Variants in SYNE2 observed in about 807,000 individuals in gnomAD.
SYNE2 encodes spectrin repeat containing nuclear envelope protein 2.
In SYNE2, 431 loss-of-function variants were observed where a neutral mutation model predicts 856.3. The observed-to-expected ratio is 0.50, with a 90% CI of 0.47 to 0.55. The LOEUF is 0.55. Among genes scored for constraint, SYNE2 ranks in the 20% least tolerant of loss-of-function variants. The pLI is 0.00. For synonymous variants in SYNE2, 2,923 were observed against 2,872.3 expected, an observed-to-expected ratio of 1.02 and a Z score of -0.56; for missense variants, 8,129 against 8,023.2, an observed-to-expected ratio of 1.01 and a Z score of -0.50.
intron 1 of SYNE2, among the ~76,000 whole-genome samples, chr14:63,813,421 C>T (rs528579346): frequency 2.0e-5 from 3 of 152,200 alleles, no homozygotes; most frequent in Non-Finnish European, 2.9e-5. Flanking sequence ...AATCTACTTT[C>T]CTCCAATGTC....
At chr14:64,036,720 T>A (rs562054305) in intron 45 of SYNE2, among the ~76,000 whole-genome samples, 40 of 152,258 alleles carry the variant, frequency 2.6e-4, no homozygotes, top group African/African-American at 8.4e-4. Flanking sequence ...CCCAATCACT[T>A]ACAGGCCAAA....
chr14:63,952,409 T>G (rs186318880), intron 7 of SYNE2, among the ~76,000 whole-genome samples: 2 of 152,384 alleles, frequency 1.3e-5, no homozygotes, highest in East Asian at 1.9e-4. Context: ...TACTTAAAAG[T>G]AATTGCATTA....
At chr14:64,054,879 A>G (rs1043350001) in intron 48 of SYNE2, among the ~76,000 whole-genome samples, 6 of 152,220 alleles carry the variant, frequency 3.9e-5, no homozygotes, top group African/African-American at 1.4e-4. Context: ...TATATCTGGA[A>G]TATTTTGATA....
At position 63,977,987 on chromosome 14, in the gene SYNE2, C is replaced by A. The variant is rs1490486139; in HGVS notation, c.1376C>A (p.Pro459Gln). The A allele has an allele frequency of 6.2e-7, 1 of 1,612,914 alleles. No homozygotes were observed. Among genetic ancestry groups the A allele is most frequent in the South Asian group, 1.1e-5 (1 of 91,038 alleles). The part of the protein sequence containing the change: ...NKDENHLPLV[P>Q]PNKLEEMKRR... ...GATGAAAATCACTTGCCATTGGTAC[C>A]ACCTAACAAATTGGAGGAAATGAAA... Residue 459 changes from proline (P) to glutamine (Q), a missense_variant, in exon 13 of 116, where the codon CCA becomes CAA. Around this residue, in one of 3 missense-constraint regions of SYNE2, gnomAD observed 2,422 missense variants for 2,357.4 expected, o/e 1.03. Coordinates refer to ENST00000555002, the MANE Select transcript of SYNE2 (RefSeq NM_182914.3).
chr14:64,104,481 G>C (rs1181348970), intron 64 of SYNE2, among the ~76,000 whole-genome samples: 4 of 129,390 alleles, frequency 3.1e-5, no homozygotes, highest in Non-Finnish European at 1.5e-5. Context: ...ACAGAGTCTC[G>C]ATCTGTCGCC....
intron 94 of SYNE2, among the ~76,000 whole-genome samples, chr14:64,172,593 C>CT (rs773646088): frequency 1.3e-5 from 2 of 152,136 alleles, no homozygotes; most frequent in East Asian, 1.9e-4. Flanking sequence ...CTGCCACACT[C>CT]TAACAATGAA....
At position 64,125,597 on chromosome 14, in the gene SYNE2, ATAG is replaced by A. The variant is rs1312497464; in HGVS notation, c.13554+391_13554+393del. 3.3e-5 allele frequency among the ~76,000 whole-genome samples: 5 copies of A among 152,320 alleles called. No individual in the cohort carries two copies. The East Asian group carries it at 5.8e-4, about 18-fold the overall frequency. ...TTATGTGAGGTGTCTATCAGAGAAG[ATAG>A]TAGGAGACAGGGCCCAAGTTGGAGT... On this transcript the variant is annotated intron_variant, in intron 71 of 115. Coordinates refer to ENST00000555002, the MANE Select transcript of SYNE2 (RefSeq NM_182914.3).
At chr14:64,159,173 C>T (rs1017877945) in intron 86 of SYNE2, 139 bp from the exon 87 acceptor site, 27 of 1,204,090 alleles carry the variant, frequency 2.2e-5, no homozygotes, top group Non-Finnish European at 6.0e-6. Flanking sequence ...CCATTGTTTT[C>T]TTCACATTCC....
intron 30 of SYNE2, among the ~76,000 whole-genome samples, chr14:64,004,091 C>T (rs937104551): frequency 6.6e-5 from 10 of 151,932 alleles, no homozygotes; most frequent in Admixed American, 6.6e-4. Flanking sequence ...GTGGTGCGAT[C>T]TTGGCTCACT....
intron 71 of SYNE2, among the ~76,000 whole-genome samples, 198 bp from the exon 72 acceptor site, chr14:64,126,129 C>T (rs2097942745): frequency 6.6e-6 from 1 of 152,174 alleles, no homozygotes. Flanking sequence ...CGTTGAGCTT[C>T]TTAAACTCAT....
At chr14:63,826,540 T>A (rs1380601116) in intron 1 of SYNE2, among the ~76,000 whole-genome samples, 2 of 152,146 alleles carry the variant, frequency 1.3e-5, no homozygotes, top group Non-Finnish European at 2.9e-5. Flanking sequence ...GACCTCATGA[T>A]CTGCCTGCCT....
At chr14:64,081,704 T>A in intron 57 of SYNE2, 124 bp downstream of exon 57, 1 of 1,116,920 alleles carries the variant, frequency 9.0e-7, no homozygotes, top group South Asian at 1.3e-5. Flanking sequence ...ACCATGTCAG[T>A]GGCAGAAGGA....
chr14:64,013,323 ATT>A (rs57074861), intron 32 of SYNE2, among the ~76,000 whole-genome samples: 18,049 of 136,324 alleles, frequency 0.13, 1,828 homozygotes, highest in African/African-American at 0.3. Context: ...TCCTCATTAA[ATT>A]TTTTTTTTTT....
intron 95 of SYNE2, among the ~76,000 whole-genome samples, chr14:64,176,647 A>G (rs2098436606): frequency 6.6e-6 from 1 of 152,216 alleles, no homozygotes; most frequent in Non-Finnish European, 1.5e-5. Flanking sequence ...CTGTCATAGC[A>G]TATACCAAAG....
intron 1 of SYNE2, among the ~76,000 whole-genome samples, chr14:63,807,105 T>C (rs147211822): frequency 6.6e-6 from 1 of 152,230 alleles, no homozygotes; most frequent in Non-Finnish European, 1.5e-5. Context: ...GGGCAATTGC[T>C]TGAGCCCAGG....
chr14:63,910,837 T>G (rs909645601), intron 2 of SYNE2, among the ~76,000 whole-genome samples: 1 of 152,196 alleles, frequency 6.6e-6, no homozygotes, highest in Non-Finnish European at 1.5e-5. Flanking sequence ...TCACACTTTC[T>G]TTTTCTAGGT....
At chr14:63,876,129 T>C (rs902075302) in intron 1 of SYNE2, among the ~76,000 whole-genome samples, 3 of 151,994 alleles carry the variant, frequency 2.0e-5, no homozygotes, top group African/African-American at 7.2e-5. Flanking sequence ...ACTTATTTAA[T>C]CGGCTGGACG....
intron 67 of SYNE2, among the ~76,000 whole-genome samples, chr14:64,120,057 A>G (rs890488133): frequency 6.6e-6 from 1 of 152,264 alleles, no homozygotes; most frequent in African/African-American, 2.4e-5. Context: ...TAATCAAAGT[A>G]TCATATAAAG....
intron 1 of SYNE2, among the ~76,000 whole-genome samples, chr14:63,898,673 G>T (rs1330781600): frequency 6.6e-6 from 1 of 152,252 alleles, no homozygotes; most frequent in Non-Finnish European, 1.5e-5. Flanking sequence ...CCAGAGTGCT[G>T]AGATTACAGG....
Sources: gnomAD v4.1 joint callset for allele counts (sites outside exome capture counted in the v4.1 genomes callset) on GRCh38, gnomAD v4.1.1 for gene constraint, gnomAD v4.1.1 regional missense constraint, MANE v1.5 for transcripts, NCBI Gene and HGNC (gene_info 2026-07-23, HGNC 2026-07-21) for gene names.